Variants in CACNA2D3 observed in about 807,000 individuals in gnomAD.
CACNA2D3 encodes voltage-dependent calcium channel subunit alpha-2/delta-3.
Under a neutral mutation model 160.6 loss-of-function variants are expected in CACNA2D3, and 60 were observed. The observed-to-expected ratio is 0.37, with a 90% confidence interval of 0.30 to 0.46. The LOEUF is 0.46. Among genes scored for constraint, CACNA2D3 ranks in the 20% least tolerant of loss-of-function variants. The pLI is 1.00. For synonymous variants in CACNA2D3, 558 were observed against 492.9 expected (o/e 1.13, Z -1.75); for missense variants, 1,205 against 1,365.0 (o/e 0.88, Z 1.85).
rs59534343 is a variant in CACNA2D3, at chr3:54,303,818, G to GTTTTTTGTTTTTTTTTTT, written c.205-16618_205-16617insGTTTTTTTTTTTTTTTTT. ...CAGCCTCATCAGTGACTTTTTTTCT[G>GTTTTTTGTTTTTTTTTTT]TTTTTTTTTTTTTTTTTTTTCTATT... is the stretch of plus-strand genomic sequence containing the variant. On this transcript the variant is annotated intron_variant, in intron 2 of 37. Coordinates refer to ENST00000474759, the MANE Select transcript of CACNA2D3 (RefSeq NM_018398.3). Among the ~76,000 whole-genome samples the GTTTTTTGTTTTTTTTTTT allele has an allele frequency of 8.0e-3, 918 of 114,948 alleles. 18 individuals are homozygous for GTTTTTTGTTTTTTTTTTT. The highest frequency in any genetic ancestry group is 0.012 in the Non-Finnish European group (687 of 58,380). 75.4% of individuals were successfully genotyped at this position (114,948 alleles called of 152,430 possible).
intron 35 of CACNA2D3, among the ~76,000 whole-genome samples, chr3:55,034,703 G>A (rs1422346031): frequency 6.6e-6 from 1 of 151,754 alleles, no homozygotes; most frequent in Admixed American, 6.6e-5. Flanking sequence ...AACTTGAAAT[G>A]TCATAAGCAT....
intron 27 of CACNA2D3, among the ~76,000 whole-genome samples, chr3:54,906,618 G>A (rs965187609): frequency 3.3e-5 from 5 of 152,186 alleles, no homozygotes; most frequent in African/African-American, 1.2e-4. Flanking sequence ...CTTGGGTTTT[G>A]GGGGTAGTTA....
chr3:54,816,430 C>G (rs577721211), intron 13 of CACNA2D3, among the ~76,000 whole-genome samples: 1 of 152,282 alleles, frequency 6.6e-6, no homozygotes, highest in East Asian at 1.9e-4. Flanking sequence ...CTCTCGCTCC[C>G]TTCCCTTTCA....
chr3:54,457,885 T>C (rs1262171399), intron 4 of CACNA2D3, among the ~76,000 whole-genome samples: 5 of 152,102 alleles, frequency 3.3e-5, no homozygotes, highest in African/African-American at 1.2e-4. Context: ...TTTTAAAATA[T>C]GTAAGTATAG....
At chr3:54,787,583 C>CT (rs1195104257) in intron 13 of CACNA2D3, among the ~76,000 whole-genome samples, 1 of 152,090 alleles carries the variant, frequency 6.6e-6, no homozygotes, top group African/African-American at 2.4e-5. Flanking sequence ...GAAGTGAAAA[C>CT]TTTAAAAATT....
At chr3:54,587,707 C>T (rs1388407868) in intron 9 of CACNA2D3, among the ~76,000 whole-genome samples, 10 of 152,006 alleles carry the variant, frequency 6.6e-5, no homozygotes, top group Non-Finnish European at 2.9e-5. Context: ...CATGAATTAA[C>T]GACTTAGAAA....
chr3:54,946,664 G>A (rs201586916), intron 27 of CACNA2D3, among the ~76,000 whole-genome samples: 34 of 152,022 alleles, frequency 2.2e-4, no homozygotes, highest in African/African-American at 7.5e-4. Flanking sequence ...GTGCAAACCT[G>A]GGGGGAGCTA....
intron 2 of CACNA2D3, among the ~76,000 whole-genome samples, chr3:54,289,595 A>G (rs535913792): frequency 4.6e-5 from 7 of 152,300 alleles, no homozygotes; most frequent in East Asian, 1.9e-4. Context: ...AGCCCGCATC[A>G]CCAAGTCAAT....
chr3:54,159,865 TCACAA>T (rs2107295403), intron 2 of CACNA2D3, among the ~76,000 whole-genome samples: 1 of 152,208 alleles, frequency 6.6e-6, no homozygotes, highest in East Asian at 1.9e-4. Context: ...AGGAAAGAAA[TCACAA>T]CACATTATTT....
intron 3 of CACNA2D3, among the ~76,000 whole-genome samples, chr3:54,330,753 T>C (rs1704230577): frequency 6.6e-6 from 1 of 152,180 alleles, no homozygotes; most frequent in Non-Finnish European, 1.5e-5. Context: ...GTGGCCTCTG[T>C]TAGGATGCCT....
chr3:54,703,599 T>C (rs111267320), intron 11 of CACNA2D3, among the ~76,000 whole-genome samples: 59 of 152,282 alleles, frequency 3.9e-4, no homozygotes, highest in Non-Finnish European at 4.7e-4. Context: ...CAGGTTTTGA[T>C]TGGAATGACC....
chr3:54,854,079 C>G (rs527303957), intron 17 of CACNA2D3, among the ~76,000 whole-genome samples: 1 of 152,224 alleles, frequency 6.6e-6, no homozygotes, highest in South Asian at 2.1e-4. Context: ...AGAACAGAGC[C>G]CGGGCGACTG....
chr3:54,511,345 C>G (rs1701455762), intron 5 of CACNA2D3, among the ~76,000 whole-genome samples: 2 of 151,994 alleles, frequency 1.3e-5, no homozygotes, highest in Non-Finnish European at 2.9e-5. Flanking sequence ...GAGGCAGGGG[C>G]TGTGTTTTTT....
chr3:54,990,253 G>A (rs996474436), intron 31 of CACNA2D3, among the ~76,000 whole-genome samples: 11 of 152,176 alleles, frequency 7.2e-5, no homozygotes, highest in Admixed American at 3.3e-4. Flanking sequence ...ATTTCAGACC[G>A]GGTGCAGTGG....
At chr3:54,504,604 C>T (rs1701340706) in intron 5 of CACNA2D3, among the ~76,000 whole-genome samples, 1 of 152,104 alleles carries the variant, frequency 6.6e-6, no homozygotes. Flanking sequence ...AACTATCCTC[C>T]TAGAAAAATA....
chr3:55,034,368 T>G (rs886069201), intron 35 of CACNA2D3, among the ~76,000 whole-genome samples: 4 of 151,940 alleles, frequency 2.6e-5, no homozygotes, highest in Non-Finnish European at 5.9e-5. Flanking sequence ...AATTATGTCC[T>G]TACTTCTCTT....
At chr3:54,662,188 G>A (rs761885746) in intron 11 of CACNA2D3, among the ~76,000 whole-genome samples, 1 of 152,132 alleles carries the variant, frequency 6.6e-6, no homozygotes, top group East Asian at 1.9e-4. Context: ...GTATGTGTGT[G>A]TGTTTTTTAT....
At chr3:54,768,254 G>A (rs1702257258) in intron 13 of CACNA2D3, among the ~76,000 whole-genome samples, 1 of 152,056 alleles carries the variant, frequency 6.6e-6, no homozygotes, top group African/African-American at 2.4e-5. Flanking sequence ...ATCTTGAGCG[G>A]GTCCTCAAAA....
At chr3:54,454,704 T>C (rs1700367665) in intron 4 of CACNA2D3, among the ~76,000 whole-genome samples, 1 of 152,146 alleles carries the variant, frequency 6.6e-6, no homozygotes, top group Admixed American at 6.6e-5. Context: ...TTATTCCTAC[T>C]ATATGGTTGT....
Sources: gnomAD v4.1 joint callset for allele counts (sites outside exome capture counted in the v4.1 genomes callset) on GRCh38, gnomAD v4.1.1 for gene constraint, MANE v1.5 for transcripts, NCBI Gene and HGNC (gene_info 2026-07-23, HGNC 2026-07-21) for gene names.